The following TBXAS1 variants were observed in gnomAD, a reference collection of about 807,000 sequenced individuals.
TBXAS1 encodes the protein thromboxane-A synthase.
Under a neutral mutation model 60.7 loss-of-function variants are expected in TBXAS1, and 48 were observed. That is an observed-to-expected ratio of 0.79 (90% CI 0.63 to 1.01). The LOEUF (loss-of-function observed/expected upper bound fraction) is 1.01. TBXAS1 is among the 50% of genes least tolerant of loss of function. The pLI, the probability that TBXAS1 is intolerant of heterozygous loss-of-function variation, is 0.00. For synonymous variants in TBXAS1, 287 were observed against 269.7 expected, an observed-to-expected ratio of 1.06 and a Z score of -0.63; for missense variants, 685 against 686.3, an observed-to-expected ratio of 1.00 and a Z score of 0.02.
chr7:139,971,427 G>A (rs1372386892), intron 9 of TBXAS1, among the ~76,000 whole-genome samples: 1 of 151,718 alleles, frequency 6.6e-6, no homozygotes, highest in Non-Finnish European at 1.5e-5. Flanking sequence ...GTGACCAATC[G>A]ATCTGGATCA....
chr7:140,017,887 C>G, intron 12 of TBXAS1, 54 bp downstream of exon 12: 3 of 1,612,814 alleles, frequency 1.9e-6, no homozygotes, highest in Non-Finnish European at 2.5e-6. Context: ...GAGGGCCACC[C>G]CAGTTCTCTG....
chr7:139,855,952 GTT>G (rs1800552275), intron 1 of TBXAS1, among the ~76,000 whole-genome samples: 1 of 152,168 alleles, frequency 6.6e-6, no homozygotes, highest in Non-Finnish European at 1.5e-5. Context: ...AGACACCACA[GTT>G]TCCTTATTTA....
intron 9 of TBXAS1, among the ~76,000 whole-genome samples, chr7:139,980,282 C>T (rs1157168349): frequency 6.6e-6 from 1 of 152,072 alleles, no homozygotes; most frequent in Non-Finnish European, 1.5e-5. Context: ...ATCACCCCTA[C>T]CTCCACATCT....
chr7:139,942,563 TA>T (rs759771911), intron 5 of TBXAS1, among the ~76,000 whole-genome samples: 1 of 152,228 alleles, frequency 6.6e-6, no homozygotes, highest in Admixed American at 6.5e-5. Context: ...AAGCCCAATA[TA>T]AATGATGGGC....
chr7:139,856,561 C>T (rs1240897862), intron 1 of TBXAS1, among the ~76,000 whole-genome samples: 1 of 152,154 alleles, frequency 6.6e-6, no homozygotes, highest in Non-Finnish European at 1.5e-5. Flanking sequence ...GGAATTTATG[C>T]AGAGCAGGGA....
At chr7:139,906,767 C>T (rs1805122862) in intron 3 of TBXAS1, among the ~76,000 whole-genome samples, 1 of 152,110 alleles carries the variant, frequency 6.6e-6, no homozygotes, top group African/African-American at 2.4e-5. Context: ...ATATGTTTCT[C>T]CACTTAGTTC....
At chr7:139,906,943 T>A (rs952438125) in intron 3 of TBXAS1, among the ~76,000 whole-genome samples, 4 of 152,228 alleles carry the variant, frequency 2.6e-5, no homozygotes, top group Admixed American at 2.0e-4. Context: ...TGTTTTTAAA[T>A]TTTTTAGTAG....
chr7:139,799,509 A>G (rs150404985), intron 4 of TBXAS1, among the ~76,000 whole-genome samples: 41 of 152,148 alleles, frequency 2.7e-4, no homozygotes, highest in African/African-American at 9.9e-4. Context: ...GGACTACACC[A>G]TGCCTGGCCT....
intron 4 of TBXAS1, among the ~76,000 whole-genome samples, chr7:139,934,429 C>A (rs1023041673): frequency 6.6e-6 from 1 of 152,110 alleles, no homozygotes; most frequent in Non-Finnish European, 1.5e-5. Flanking sequence ...CTCAGGTGAT[C>A]CACCCGCCTC....
intron 4 of TBXAS1, among the ~76,000 whole-genome samples, chr7:139,819,568 T>C (rs10228337): frequency 0.38 from 58,524 of 152,082 alleles, 11,939 homozygotes; most frequent in South Asian, 0.69. Context: ...AGTGGCACTA[T>C]CTTGGCTCAC....
intron 1 of TBXAS1, among the ~76,000 whole-genome samples, chr7:139,829,686 G>A (rs562619563): frequency 2.6e-5 from 4 of 152,148 alleles, no homozygotes; most frequent in Non-Finnish European, 5.9e-5. Flanking sequence ...AGGAAAGGCT[G>A]GTGATTCAGT....
chr7:139,844,560 C>A (rs1799677192), intron 1 of TBXAS1, among the ~76,000 whole-genome samples: 1 of 152,198 alleles, frequency 6.6e-6, no homozygotes, highest in Admixed American at 6.5e-5. Flanking sequence ...CCTTAACCTG[C>A]ACCACCATCG....
chr7:139,965,192 T>C (rs951578178), intron 9 of TBXAS1, among the ~76,000 whole-genome samples: 2 of 151,460 alleles, frequency 1.3e-5, no homozygotes, highest in African/African-American at 4.9e-5. Flanking sequence ...CCCTCCAGCC[T>C]GGGCAATAAG....
chr7:139,829,495 C>G lies in TBXAS1; in HGVS notation c.89+16C>G. On this transcript the variant is annotated intron_variant, in intron 1 of 12. Coordinates refer to ENST00000448866, the MANE Select transcript of TBXAS1 (RefSeq NM_001061.7). Reference sequence around the variant, plus strand: ...TCCTGAAATGGTAAGTGCAGCCAGCCCTAGGGACTGTGACAGCGTCAGCCG... The same window carrying G: ...TCCTGAAATGGTAAGTGCAGCCAGCGCTAGGGACTGTGACAGCGTCAGCCG... 1 of 1,611,420 alleles carries G rather than the reference C, an allele frequency of 6.2e-7. No homozygotes were observed. Among genetic ancestry groups the G allele is most frequent in the South Asian group, 1.1e-5 (1 of 90,482 alleles).
chr7:139,784,141 C>T (rs1797099749), intron 3 of TBXAS1, among the ~76,000 whole-genome samples: 1 of 151,308 alleles, frequency 6.6e-6, no homozygotes, highest in South Asian at 2.1e-4. Flanking sequence ...GCCTGCCTGC[C>T]TGCCTGCCTT....
intron 9 of TBXAS1, among the ~76,000 whole-genome samples, chr7:139,993,886 TTC>T (rs1026986281): frequency 6.8e-6 from 1 of 146,290 alleles, no homozygotes; most frequent in Non-Finnish European, 1.5e-5. Context: ...TTCTTTTTCT[TTC>T]TTTCTTTTTT....
At chr7:139,956,223 C>T (rs549060482) in intron 7 of TBXAS1, among the ~76,000 whole-genome samples, 95 of 152,088 alleles carry the variant, frequency 6.2e-4, no homozygotes, top group African/African-American at 8.4e-4. Flanking sequence ...CTCGGCTCAC[C>T]GCAACCTCCG....
intron 4 of TBXAS1, among the ~76,000 whole-genome samples, chr7:139,799,403 T>C (rs1797657907): frequency 6.6e-6 from 1 of 152,158 alleles, no homozygotes; most frequent in Non-Finnish European, 1.5e-5. Context: ...GCTAATTTTT[T>C]GTATTCTAGT....
chr7:139,931,723 C>G (rs571606973), intron 4 of TBXAS1, among the ~76,000 whole-genome samples: 7 of 152,258 alleles, frequency 4.6e-5, no homozygotes, highest in African/African-American at 7.2e-5. Context: ...CCAGGTCCCT[C>G]CCACCACACG....
Sources: gnomAD v4.1 joint callset for allele counts (sites outside exome capture counted in the v4.1 genomes callset) on GRCh38, gnomAD v4.1.1 for gene constraint, MANE v1.5 for transcripts, NCBI Gene and HGNC (gene_info 2026-07-23, HGNC 2026-07-21) for gene names.